Variants in MCC observed in about 807,000 individuals in gnomAD.
The protein encoded by MCC is MCC regulator of Wnt signaling pathway.
In MCC, 90 loss-of-function variants were observed where a neutral mutation model predicts 116.2. The observed-to-expected ratio is 0.77, with a 90% CI of 0.65 to 0.92. The LOEUF is 0.92. MCC is among the 40% of genes least tolerant of loss of function. The probability of loss-of-function intolerance (pLI) is 0.00; values close to 1 mark genes in which losing one functional copy is unlikely to be tolerated. For missense variants in MCC, 1,516 were observed against 1,312.2 expected (o/e 1.16, Z -2.40); for synonymous variants, 578 against 510.5 (o/e 1.13, Z -1.78).
chr5:113,337,459 G>C (rs969879671), intron 3 of MCC, among the ~76,000 whole-genome samples: 2 of 152,176 alleles, frequency 1.3e-5, no homozygotes, highest in African/African-American at 2.4e-5. Context: ...AAAGGGGTCT[G>C]AATCAGCCCT....
At chr5:113,409,107 G>A (rs1227478973) in intron 1 of MCC, among the ~76,000 whole-genome samples, 1 of 152,168 alleles carries the variant, frequency 6.6e-6, no homozygotes, top group Non-Finnish European at 1.5e-5. Context: ...CAGGGGCCCT[G>A]AAGCAACACA....
intron 1 of MCC, among the ~76,000 whole-genome samples, chr5:113,422,087 G>A (rs1050336941): frequency 6.6e-6 from 1 of 152,244 alleles, no homozygotes; most frequent in African/African-American, 2.4e-5. Flanking sequence ...TTCAGTCAGT[G>A]CTGTGTTGGT....
chr5:113,299,774 G>A (rs1223237870), intron 3 of MCC, among the ~76,000 whole-genome samples: 1 of 152,230 alleles, frequency 6.6e-6, no homozygotes, highest in African/African-American at 2.4e-5. Flanking sequence ...CCTATGGAGA[G>A]GTGTGGGCAG....
intron 3 of MCC, among the ~76,000 whole-genome samples, chr5:113,240,316 T>G (rs915711838): frequency 3.9e-5 from 6 of 152,190 alleles, no homozygotes; most frequent in Non-Finnish European, 8.8e-5. Context: ...ACTCCTGGAC[T>G]TATATGAGCT....
At chr5:113,419,788 G>A (rs10074538) in intron 1 of MCC, among the ~76,000 whole-genome samples, 43,868 of 146,320 alleles carry the variant, frequency 0.3, 8,442 homozygotes, top group African/African-American at 0.54. Context: ...ACCAAACACC[G>A]CATGTTCTCA....
chr5:113,160,383 TG>T (rs1372185429), intron 3 of MCC, among the ~76,000 whole-genome samples: 6 of 152,374 alleles, frequency 3.9e-5, no homozygotes, highest in African/African-American at 1.4e-4. Context: ...CTAACACAAC[TG>T]CTTGCTATGT....
intron 2 of MCC, among the ~76,000 whole-genome samples, chr5:113,383,636 G>A (rs1196240764): frequency 6.6e-6 from 1 of 151,684 alleles, no homozygotes; most frequent in African/African-American, 2.4e-5. Flanking sequence ...TCTTCTGCTT[G>A]CCTTTTTTTC....
chr5:113,125,910 T>C (rs1758023434), intron 5 of MCC, among the ~76,000 whole-genome samples: 1 of 152,162 alleles, frequency 6.6e-6, no homozygotes, highest in African/African-American at 2.4e-5. Context: ...CCAACTGCTA[T>C]TGCTGGTGAT....
At chr5:113,421,310 C>T (rs1770328266) in intron 1 of MCC, among the ~76,000 whole-genome samples, 1 of 152,138 alleles carries the variant, frequency 6.6e-6, no homozygotes, top group African/African-American at 2.4e-5. Context: ...CAGGTGTGAG[C>T]CACTGCACCC....
intron 6 of MCC, 128 bp downstream of exon 6, chr5:113,122,556 G>A (rs1757795398): frequency 9.9e-7 from 1 of 1,005,818 alleles, no homozygotes; most frequent in African/African-American, 1.6e-5. Flanking sequence ...TGAAATACAT[G>A]TGACTTCATC....
chr5:113,478,590 G>A (rs971528862), intron 1 of MCC, among the ~76,000 whole-genome samples: 1 of 152,100 alleles, frequency 6.6e-6, no homozygotes, highest in South Asian at 2.1e-4. Flanking sequence ...GATAAGCTTG[G>A]GATGCCATCA....
chr5:113,288,950 C>T (rs1766373392), intron 3 of MCC, among the ~76,000 whole-genome samples: 1 of 152,120 alleles, frequency 6.6e-6, no homozygotes, highest in South Asian at 2.1e-4. Context: ...AAATGTGATT[C>T]AGAGTTATTA....
intron 17 of MCC, among the ~76,000 whole-genome samples, chr5:113,037,715 C>G (rs1751415825): frequency 6.6e-6 from 1 of 152,026 alleles, no homozygotes; most frequent in Non-Finnish European, 1.5e-5. Context: ...AGAGAAGACT[C>G]AGAGAATAGC....
intron 1 of MCC, among the ~76,000 whole-genome samples, chr5:113,444,291 A>T (rs916760330): frequency 1.3e-5 from 2 of 152,164 alleles, no homozygotes; most frequent in African/African-American, 4.8e-5. Context: ...AGGGCCTGCA[A>T]AAAGTTTTAG....
intron 3 of MCC, among the ~76,000 whole-genome samples, chr5:113,230,187 G>C (rs1404842622): frequency 6.6e-6 from 1 of 151,826 alleles, no homozygotes; most frequent in Non-Finnish European, 1.5e-5. Flanking sequence ...TTTTTGTTTT[G>C]GTTTTTTACT....
In MCC at chr5:113,211,856, T is replaced by A. The variant is rs562957459; in HGVS notation, c.628-60434A>T. Among the ~76,000 whole-genome samples the A allele has an allele frequency of 7.8e-4, 119 of 152,342 alleles. 1 individual carries two copies. In the Middle Eastern group the frequency reaches 0.024, roughly 30 times the overall value. On this transcript the variant is annotated intron_variant, in intron 3 of 18. Transcript: ENST00000408903. ...AGAAACAAACATGAAAACTCTAACATTTTTAGAAGCATGAAAAATTGGAGT... is the reference window on the plus strand; with the variant it reads ...AGAAACAAACATGAAAACTCTAACAATTTTAGAAGCATGAAAAATTGGAGT...
intron 2 of MCC, among the ~76,000 whole-genome samples, chr5:113,378,646 G>A (rs983108938): frequency 6.6e-6 from 1 of 152,152 alleles, no homozygotes; most frequent in Non-Finnish European, 1.5e-5. Context: ...GCCTCATTAG[G>A]TCAGCTCAAA....
intron 1 of MCC, among the ~76,000 whole-genome samples, chr5:113,477,062 T>C (rs1772252066): frequency 6.6e-6 from 1 of 152,230 alleles, no homozygotes; most frequent in Non-Finnish European, 1.5e-5. Context: ...AGCCTGTTTT[T>C]CTCATCTTCA....
In MCC at chr5:113,434,777, G is replaced by A. The variant is rs1276406384; in HGVS notation, c.171-49565C>T. ...AAGCAGATTTTACTTTTGCATAGGA[G>A]CCCTCTCCTAAATTTATCCCCAGGA... On this transcript the variant is annotated intron_variant, in intron 1 of 18. Coordinates refer to ENST00000408903, the MANE Select transcript of MCC (RefSeq NM_001085377.2). This position sits in a 1 kb window ranked among gnomAD's most constrained non-coding sequence, Gnocchi z 4.2. The A allele has an allele frequency of 1.9e-6, 3 of 1,613,820 alleles. No homozygotes were observed. The African/African-American group carries it at 4.0e-5, about 22-fold the overall frequency.
Sources: gnomAD v4.1 joint callset for allele counts (sites outside exome capture counted in the v4.1 genomes callset) on GRCh38, gnomAD v4.1.1 for gene constraint, Gnocchi (gnomAD v3.1) non-coding constraint, MANE v1.5 for transcripts, NCBI Gene and HGNC (gene_info 2026-07-23, HGNC 2026-07-21) for gene names.